The following IL1RAPL2 variants were observed in gnomAD, a reference collection of about 807,000 sequenced individuals.
IL1RAPL2 encodes the protein interleukin 1 receptor accessory protein like 2, also known as X-linked interleukin-1 receptor accessory protein-like 2.
IL1RAPL2 carries 3 observed loss-of-function variants against 44.1 expected under a neutral mutation model. The ratio of observed to expected loss-of-function variants is 0.07; its 90% confidence interval spans 0.03 to 0.18. The LOEUF (loss-of-function observed/expected upper bound fraction) is 0.18, where lower values mean the gene tolerates loss of function less well. Among genes scored for constraint, IL1RAPL2 ranks in the 10% least tolerant of loss-of-function variants. The pLI, the probability that IL1RAPL2 is intolerant of heterozygous loss-of-function variation, is 1.00. For synonymous variants in IL1RAPL2, 181 were observed against 178.8 expected, an observed-to-expected ratio of 1.01 and a Z score of -0.10; for missense variants, 391 against 496.4, an observed-to-expected ratio of 0.79 and a Z score of 2.02.
intron 5 of IL1RAPL2, among the ~76,000 whole-genome samples, chrX:105,396,675 A>G (rs1458417359): frequency 1.9e-5 from 2 of 107,185 alleles, no homozygotes; most frequent in Non-Finnish European, 3.9e-5. Context: ...GATAAGACCA[A>G]TACTTAAGGG....
chrX:105,125,192 C>T (rs974545920), intron 2 of IL1RAPL2, among the ~76,000 whole-genome samples: 2 of 110,577 alleles, frequency 1.8e-5, no homozygotes, highest in African/African-American at 6.5e-5. Context: ...TTAATGTTAT[C>T]ATTTCCATGA....
At chrX:105,736,269 GAA>G (rs1459777555) in intron 7 of IL1RAPL2, among the ~76,000 whole-genome samples, 1 of 110,642 alleles carries the variant, frequency 9.0e-6, no homozygotes, top group Admixed American at 9.6e-5. Context: ...TAAAAATCCT[GAA>G]AGACAACCTA....
At chrX:105,609,893 T>C (rs2037322901) in intron 6 of IL1RAPL2, among the ~76,000 whole-genome samples, 1 of 112,235 alleles carries the variant, frequency 8.9e-6, no homozygotes, top group South Asian at 3.7e-4. Context: ...CTAATTAGAA[T>C]AGATAACAGT....
intron 3 of IL1RAPL2, among the ~76,000 whole-genome samples, chrX:105,196,876 T>G (rs781997800): frequency 1.9e-4 from 21 of 111,247 alleles, no homozygotes; most frequent in Non-Finnish European, 3.0e-4. Context: ...GGACCTGCAC[T>G]CTACTATTTG....
chrX:104,761,803 T>G (rs186780601), intron 2 of IL1RAPL2, among the ~76,000 whole-genome samples: 4 of 98,454 alleles, frequency 4.1e-5, no homozygotes, highest in African/African-American at 1.6e-4. Flanking sequence ...AGTCAAATCA[T>G]CTCCTTCTCT....
At chrX:105,650,938 T>G (rs1336560828) in intron 6 of IL1RAPL2, among the ~76,000 whole-genome samples, 1 of 112,432 alleles carries the variant, frequency 8.9e-6, no homozygotes, top group African/African-American at 3.2e-5. Flanking sequence ...AGAGAAATAC[T>G]GTTTTTTAGG....
chrX:104,767,439 T>C (rs1932576381), intron 2 of IL1RAPL2, among the ~76,000 whole-genome samples: 1 of 112,016 alleles, frequency 8.9e-6, no homozygotes, highest in Admixed American at 9.5e-5. Context: ...GGGTTTCTAA[T>C]GAAAATGCTG....
At chrX:105,269,036 C>A (rs1182231152) in intron 5 of IL1RAPL2, among the ~76,000 whole-genome samples, 1 of 111,116 alleles carries the variant, frequency 9.0e-6, no homozygotes, top group East Asian at 2.8e-4. Flanking sequence ...TGATAAACTT[C>A]AAAATTACCT....
chrX:104,624,181 G>A (rs1929452546), intron 1 of IL1RAPL2, among the ~76,000 whole-genome samples: 1 of 111,344 alleles, frequency 9.0e-6, no homozygotes, highest in Admixed American at 9.6e-5. Flanking sequence ...TTTTAAGAAT[G>A]CCTCAAACAC....
At chrX:105,562,020 C>T (rs2036942067) in intron 6 of IL1RAPL2, among the ~76,000 whole-genome samples, 1 of 111,026 alleles carries the variant, frequency 9.0e-6, no homozygotes, top group African/African-American at 3.3e-5. Flanking sequence ...ATGAAGATAC[C>T]TGGAGGCACT....
At chrX:104,826,938 C>CT (rs1176113214) in intron 2 of IL1RAPL2, among the ~76,000 whole-genome samples, 6,356 of 34,522 alleles carry the variant, frequency 0.18, 1,042 homozygotes, top group African/African-American at 0.25. Flanking sequence ...GCAACCCCTG[C>CT]TTTTTTTTTT....
intron 2 of IL1RAPL2, among the ~76,000 whole-genome samples, chrX:104,688,182 G>A (rs1046188434): frequency 9.0e-6 from 1 of 111,706 alleles, no homozygotes; most frequent in South Asian, 3.7e-4. Flanking sequence ...TCTGTCACCC[G>A]TCTTTCTATT....
intron 2 of IL1RAPL2, among the ~76,000 whole-genome samples, chrX:104,938,995 ATAAGT>A (rs1925093703): frequency 9.0e-6 from 1 of 111,136 alleles, no homozygotes; most frequent in Non-Finnish European, 1.9e-5. Flanking sequence ...CTAGAAGCAA[ATAAGT>A]TAGGGAAATG....
intron 2 of IL1RAPL2, among the ~76,000 whole-genome samples, chrX:104,905,145 G>A (rs1218480645): frequency 9.0e-6 from 1 of 111,368 alleles, no homozygotes; most frequent in African/African-American, 3.3e-5. Flanking sequence ...CTTTTTGATG[G>A]GGTTGTTTGT....
chrX:105,286,975 T>C (rs943327708), intron 5 of IL1RAPL2, among the ~76,000 whole-genome samples: 1 of 112,100 alleles, frequency 8.9e-6, no homozygotes, highest in Non-Finnish European at 1.9e-5. Flanking sequence ...TCCTATTATA[T>C]GATAAGCGTT....
Position 105,637,625 on chromosome X carries a change from C to G in IL1RAPL2, c.773-79742C>G, listed in dbSNP as rs773657408. On this transcript the variant is annotated intron_variant, in intron 6 of 10. Transcript: ENST00000372582. ...CCCCATTTCCATTAATTTGCAGACT[C>G]AGGCATACTATAGCAAAGACTCAAC... Among the ~76,000 whole-genome samples, 6 of 109,234 alleles carry G rather than the reference C, an allele frequency of 5.5e-5. No homozygotes were observed. In the East Asian group the frequency reaches 1.2e-3, roughly 21 times the overall value. The allele number at this position is 109,234 out of a possible 115,157, so 94.9% of individuals were successfully genotyped here.
chrX:104,958,395 G>T (rs1288076238), intron 2 of IL1RAPL2, among the ~76,000 whole-genome samples: 1 of 107,429 alleles, frequency 9.3e-6, no homozygotes, highest in East Asian at 2.9e-4. Context: ...CTGGTGTTCA[G>T]GACTGGGGGT....
At chrX:104,777,490 A>T (rs1195346549) in intron 2 of IL1RAPL2, among the ~76,000 whole-genome samples, 6 of 109,094 alleles carry the variant, frequency 5.5e-5, no homozygotes, top group Admixed American at 9.9e-5. Context: ...TATTGTGAAC[A>T]GTACTGCTAT....
chrX:104,776,643 T>C (rs1186864376), intron 2 of IL1RAPL2, among the ~76,000 whole-genome samples: 2 of 111,678 alleles, frequency 1.8e-5, no homozygotes, highest in Non-Finnish European at 3.8e-5. Context: ...AGAGCTGTAA[T>C]TGGAGTTTGT....
Sources: allele counts gnomAD v4.1 joint callset (sites outside exome capture counted in the v4.1 genomes callset), GRCh38; gene constraint gnomAD v4.1.1; transcripts MANE v1.5; gene names NCBI Gene and HGNC (gene_info 2026-07-23, HGNC 2026-07-21).